JPH3: variants seen among roughly 807,000 people sequenced by gnomAD.
The protein encoded by JPH3 is junctophilin 3, also known as junctophilin-3.
In JPH3, 11 loss-of-function variants were observed where a neutral mutation model predicts 59.6. That is an observed-to-expected ratio of 0.18 (90% CI 0.12 to 0.31). JPH3 has a LOEUF of 0.31. Among genes scored for constraint, JPH3 ranks in the 10% least tolerant of loss-of-function variants. JPH3 has a pLI of 1.00. For missense variants in JPH3, 1,202 were observed against 1,105.7 expected (o/e 1.09, Z -1.24); for synonymous variants, 673 against 483.6 (o/e 1.39, Z -5.14).
chr16:87,682,590 A>G (rs1374772851), intron 2 of JPH3, among the ~76,000 whole-genome samples: 1 of 152,174 alleles, frequency 6.6e-6, no homozygotes, highest in Non-Finnish European at 1.5e-5. Context: ...TCCTCTGCAG[A>G]CACCAAATCT....
intron 1 of JPH3, among the ~76,000 whole-genome samples, chr16:87,625,065 C>T (rs373900395): frequency 4.6e-5 from 7 of 152,368 alleles, no homozygotes; most frequent in African/African-American, 1.7e-4. Context: ...TCCCAAAGTG[C>T]TGGGATTACA....
At chr16:87,658,727 C>T (rs893694125) in intron 2 of JPH3, among the ~76,000 whole-genome samples, 1 of 152,202 alleles carries the variant, frequency 6.6e-6, no homozygotes, top group Admixed American at 6.5e-5. Context: ...AGTGGGTGGT[C>T]AAGAAGAGCT....
intron 2 of JPH3, among the ~76,000 whole-genome samples, chr16:87,657,407 G>C (rs1199994486): frequency 1.3e-5 from 2 of 152,132 alleles, no homozygotes; most frequent in Non-Finnish European, 2.9e-5. Context: ...GGGAACAACG[G>C]GGAGTGGCTT....
Position 87,689,668 on chromosome 16 carries a change from G to C in JPH3, c.1308G>C (p.Lys436Asn), listed in dbSNP as rs765618420. The change falls in exon 4 of 5, where the codon AAG becomes AAC. Residue 436 changes from lysine to asparagine, a missense_variant. Coordinates refer to ENST00000284262, the MANE Select transcript of JPH3 (RefSeq NM_020655.4). The stretch of plus-strand genomic sequence containing the variant: ...CAGGGCTGGAGTACCAGAGGCCGAA[G>C]CGTCAGACCTCCTGTGACGACATCG... ...RENGLEYQRP[K>N]RQTSCDDIEV... 4 of 1,612,248 alleles carry C rather than the reference G, an allele frequency of 2.5e-6. No individual in the cohort carries two copies. The South Asian group carries it at 4.4e-5, about 18-fold the overall frequency.
chr16:87,638,488 C>T (rs2031832132), intron 1 of JPH3, among the ~76,000 whole-genome samples: 2 of 152,136 alleles, frequency 1.3e-5, no homozygotes, highest in South Asian at 4.1e-4. Flanking sequence ...CTGTACAGAG[C>T]ACTTGAAGGG....
At chr16:87,692,855 C>T (rs1597298225) in intron 4 of JPH3, among the ~76,000 whole-genome samples, 2 of 152,228 alleles carry the variant, frequency 1.3e-5, no homozygotes, top group East Asian at 1.9e-4. Flanking sequence ...ACCTGCTTCC[C>T]GGCCCAGAGC....
chr16:87,684,507 G>A (rs928504407), intron 3 of JPH3: 12 of 549,118 alleles, frequency 2.2e-5, no homozygotes, highest in African/African-American at 1.9e-4. Flanking sequence ...ACAGTCCTTG[G>A]GGCACCGCGT....
chr16:87,657,439 G>T (rs1351134938), intron 2 of JPH3, among the ~76,000 whole-genome samples: 1 of 152,188 alleles, frequency 6.6e-6, no homozygotes, highest in Admixed American at 6.5e-5. Context: ...TAGGGTTTCT[G>T]TTGAGGGCGA....
chr16:87,602,259 G>C (rs1377985727), upstream of JPH3: 1 of 150,172 alleles, frequency 6.7e-6, no homozygotes, highest in Non-Finnish European at 1.5e-5. Context: ...GGGCGCCCCG[G>C]CTGGACCCCG....
chr16:87,621,408 G>C (rs545181386), intron 1 of JPH3, among the ~76,000 whole-genome samples: 159 of 152,350 alleles, frequency 1.0e-3, no homozygotes, highest in Non-Finnish European at 2.0e-3. Context: ...GCTTCAGGGT[G>C]GTCTGGGCCT....
At chr16:87,618,167 A>AAAAT (rs920834190) in intron 1 of JPH3, among the ~76,000 whole-genome samples, 1 of 152,230 alleles carries the variant, frequency 6.6e-6, no homozygotes, top group African/African-American at 2.4e-5. Flanking sequence ...CTGTCTCAAA[A>AAAAT]AAATAAATAA....
intron 4 of JPH3, among the ~76,000 whole-genome samples, chr16:87,693,110 C>T (rs779380360): frequency 2.1e-4 from 32 of 152,242 alleles, no homozygotes; most frequent in South Asian, 8.3e-4. Flanking sequence ...CACGATGCCA[C>T]GGAAAGCTGG....
At chr16:87,684,088 C>G in intron 2 of JPH3, 54 bp from the exon 3 acceptor site, 1 of 1,404,686 alleles carries the variant, frequency 7.1e-7, no homozygotes, top group Non-Finnish European at 1.0e-6. Context: ...TCAACCCAGA[C>G]CCCTGTCACC....
chr16:87,681,481 G>T (rs1421140443), intron 2 of JPH3, among the ~76,000 whole-genome samples: 1 of 128,040 alleles, frequency 7.8e-6, no homozygotes, highest in Non-Finnish European at 1.6e-5. Flanking sequence ...TGACAGTGCC[G>T]GGAGGTCAGG....
At chr16:87,615,051 C>T (rs866659073) in intron 1 of JPH3, among the ~76,000 whole-genome samples, 3 of 150,056 alleles carry the variant, frequency 2.0e-5, no homozygotes, top group East Asian at 2.0e-4. Context: ...CCGGGATAAA[C>T]GCTGGTCCCT....
intron 1 of JPH3, among the ~76,000 whole-genome samples, chr16:87,614,003 G>A (rs1224978577): frequency 6.6e-6 from 1 of 152,098 alleles, no homozygotes; most frequent in Non-Finnish European, 1.5e-5. Flanking sequence ...GCATTCCAGG[G>A]GCCCACTTGC....
chr16:87,636,735 A>C lies in JPH3; in HGVS notation c.383-7523A>C, dbSNP rs78752308. On this transcript the variant is annotated intron_variant, in intron 1 of 4. Coordinates refer to ENST00000284262, the MANE Select transcript of JPH3 (RefSeq NM_020655.4). ...CAAAAATCCAACACCGTGCAGTTGC[A>C]AACACGGGGCAGGAAAGACTCCGGC... Among the ~76,000 whole-genome samples the C allele has an allele frequency of 1.1e-4, 17 of 152,348 alleles. No individual in the cohort carries two copies. In the East Asian group the frequency reaches 3.1e-3, roughly 28 times the overall value.
At chr16:87,654,074 G>A in intron 2 of JPH3, 1 of 152,238 alleles carries the variant, frequency 6.6e-6, no homozygotes, top group East Asian at 1.9e-4. Context: ...TGGAGTTCTG[G>A]CCTTGTTTTC....
intron 1 of JPH3, among the ~76,000 whole-genome samples, chr16:87,628,622 T>C (rs1372668343): frequency 3.3e-5 from 5 of 152,170 alleles, no homozygotes; most frequent in Non-Finnish European, 7.4e-5. Context: ...CATCACTCGG[T>C]GTTGGCATCT....
Sources: allele counts gnomAD v4.1 joint callset (sites outside exome capture counted in the v4.1 genomes callset), GRCh38; gene constraint gnomAD v4.1.1; transcripts MANE v1.5; gene names NCBI Gene and HGNC (gene_info 2026-07-23, HGNC 2026-07-21).